The following SMOC2 variants were observed in gnomAD, a reference collection of about 807,000 sequenced individuals.
The protein encoded by SMOC2 is SPARC related modular calcium binding 2.
SMOC2 carries 39 observed loss-of-function variants against 61.4 expected under a neutral mutation model. That is an observed-to-expected ratio of 0.64 (90% CI 0.49 to 0.83). The LOEUF is 0.83. Ranked by LOEUF, SMOC2 falls within the 40% of genes least tolerant of loss-of-function variation. The pLI is 0.00. For missense variants in SMOC2, 556 were observed against 592.9 expected (o/e 0.94, Z 0.65); for synonymous variants, 247 against 239.9 (o/e 1.03, Z -0.27).
chr6:168,473,021 T>C (rs1189270198), intron 1 of SMOC2, among the ~76,000 whole-genome samples: 4 of 152,118 alleles, frequency 2.6e-5, no homozygotes, highest in African/African-American at 9.7e-5. Context: ...CCCTGGCCAT[T>C]GCCCAACACT....
At chr6:168,444,792 A>G (rs1781294796) in intron 1 of SMOC2, among the ~76,000 whole-genome samples, 1 of 152,116 alleles carries the variant, frequency 6.6e-6, no homozygotes, top group Non-Finnish European at 1.5e-5. Context: ...CAATTACTCA[A>G]CTTTATCATG....
chr6:168,486,051 C>T (rs1408785054), intron 1 of SMOC2, among the ~76,000 whole-genome samples: 1 of 152,086 alleles, frequency 6.6e-6, no homozygotes, highest in East Asian at 1.9e-4. Context: ...CGTTGTGTAC[C>T]GTTCGTACGG....
At chr6:168,611,320 T>A (rs111964871) in intron 9 of SMOC2, among the ~76,000 whole-genome samples, 5 of 40,054 alleles carry the variant, frequency 1.2e-4, no homozygotes, top group African/African-American at 2.1e-4. Context: ...CTGGCCCTGC[T>A]CTGGTTCCCA....
At chr6:168,611,873 G>A (rs112815659) in intron 9 of SMOC2, among the ~76,000 whole-genome samples, 1,700 of 152,196 alleles carry the variant, frequency 0.011, 32 homozygotes, top group African/African-American at 0.039. Flanking sequence ...ATGCCCAGGC[G>A]GCCGGCCACT....
At chr6:168,549,228 T>C (rs376635387) in intron 7 of SMOC2, 25 bp downstream of exon 7, 1 of 1,602,888 alleles carries the variant, frequency 6.2e-7, no homozygotes, top group African/African-American at 1.3e-5. Flanking sequence ...GATGTCACTT[T>C]GTAAGGAGTG....
intron 2 of SMOC2, among the ~76,000 whole-genome samples, chr6:168,518,298 ATGTG>A (rs1249089839): frequency 6.8e-6 from 1 of 147,252 alleles, no homozygotes; most frequent in Non-Finnish European, 1.5e-5. Flanking sequence ...GAATGTGTGA[ATGTG>A]TGAGAGGGCG....
At chr6:168,495,913 C>T (rs991456114) in intron 1 of SMOC2, among the ~76,000 whole-genome samples, 2 of 152,322 alleles carry the variant, frequency 1.3e-5, no homozygotes, top group Non-Finnish European at 2.9e-5. Context: ...CGGTCAGGGC[C>T]GGGCCGAGCT....
intron 1 of SMOC2, among the ~76,000 whole-genome samples, chr6:168,443,013 C>T (rs561295259): frequency 6.6e-6 from 1 of 152,208 alleles, no homozygotes; most frequent in African/African-American, 2.4e-5. Flanking sequence ...CTCACGTATA[C>T]ACTCACAAAA....
chr6:168,572,768 G>A (rs1435604333), intron 7 of SMOC2, among the ~76,000 whole-genome samples: 5 of 29,832 alleles, frequency 1.7e-4, no homozygotes, highest in Non-Finnish European at 2.8e-4. Context: ...CCAGGGCTGC[G>A]TGCTCCCTGA....
rs9355224 is a variant in SMOC2, at chr6:168,533,714, T to G, written c.463+5987T>G. Among the ~76,000 whole-genome samples, 851 of 152,310 alleles carry G rather than the reference T, an allele frequency of 5.6e-3. 10 individuals are homozygous for G. Among genetic ancestry groups the G allele is most frequent in the East Asian group, 0.031 (162 of 5,184 alleles). The stretch of plus-strand genomic sequence containing the variant: ...TCTCCACCTCAAAACGGCTTTTTCT[T>G]TAGCCTTCGTAGGTCTTTTCTTGAA... On this transcript the variant is annotated intron_variant, in intron 4 of 12. Coordinates refer to ENST00000356284, the MANE Select transcript of SMOC2 (RefSeq NM_001166412.2).
In SMOC2 at chr6:168,533,038, G is replaced by T. The variant is rs529461524; in HGVS notation, c.463+5311G>T. On this transcript the variant is annotated intron_variant, in intron 4 of 12. Transcript: ENST00000356284. ...TTTGGTTTTAATTACTAAAGTCTGT[G>T]TGATACCTGTGACAGGCAGCAGTAG... is the stretch of plus-strand genomic sequence containing the variant. Among the ~76,000 whole-genome samples the T allele has an allele frequency of 1.5e-3, 216 of 144,658 alleles. 1 individual carries two copies. The highest frequency in any genetic ancestry group is 5.5e-3 in the African/African-American group (211 of 38,254). 94.9% of individuals were successfully genotyped at this position (144,658 alleles called of 152,430 possible).
intron 4 of SMOC2, among the ~76,000 whole-genome samples, chr6:168,542,296 A>G (rs1391009907): frequency 6.6e-6 from 1 of 152,150 alleles, no homozygotes; most frequent in Non-Finnish European, 1.5e-5. Context: ...GGGGATTCTT[A>G]CCAAGAAAAA....
intron 9 of SMOC2, among the ~76,000 whole-genome samples, chr6:168,616,486 C>G (rs934560721): frequency 6.6e-6 from 1 of 152,166 alleles, no homozygotes; most frequent in Non-Finnish European, 1.5e-5. Context: ...ACCTAAAGAA[C>G]ATCAACTCAG....
chr6:168,616,091 C>T (rs893196784), intron 9 of SMOC2, among the ~76,000 whole-genome samples: 15 of 152,154 alleles, frequency 9.9e-5, no homozygotes, highest in African/African-American at 2.9e-4. Context: ...CGCTTGGTGG[C>T]CTTTGAGAGC....
chr6:168,471,431 A>G (rs926827562), intron 1 of SMOC2, among the ~76,000 whole-genome samples: 2 of 152,170 alleles, frequency 1.3e-5, no homozygotes, highest in Admixed American at 1.3e-4. Context: ...CTTCTTTTCC[A>G]AGGCTGAGTA....
intron 9 of SMOC2, among the ~76,000 whole-genome samples, chr6:168,618,562 G>A (rs11969696): frequency 0.23 from 31,764 of 136,442 alleles, 4,775 homozygotes; most frequent in Non-Finnish European, 0.25. Flanking sequence ...TTAAAACGAG[G>A]GTCGAGAGGT....
intron 9 of SMOC2, among the ~76,000 whole-genome samples, chr6:168,615,513 G>A (rs1786055494): frequency 8.8e-6 from 1 of 114,160 alleles, no homozygotes; most frequent in Non-Finnish European, 1.9e-5. Flanking sequence ...AGCCAGCACA[G>A]GGTCTCTTCA....
intron 1 of SMOC2, among the ~76,000 whole-genome samples, chr6:168,487,117 C>T (rs898636268): frequency 2.6e-5 from 4 of 152,340 alleles, no homozygotes; most frequent in African/African-American, 4.8e-5. Context: ...AGCACTCAAA[C>T]GTCCCCCTGC....
At chr6:168,564,701 A>T (rs572160967) in intron 7 of SMOC2, among the ~76,000 whole-genome samples, 28 of 152,318 alleles carry the variant, frequency 1.8e-4, no homozygotes, top group Non-Finnish European at 3.8e-4. Flanking sequence ...GCCATGTCTA[A>T]GGAACTAGTG....
Sources: gnomAD v4.1 joint callset for allele counts (sites outside exome capture counted in the v4.1 genomes callset) on GRCh38, gnomAD v4.1.1 for gene constraint, MANE v1.5 for transcripts, NCBI Gene and HGNC (gene_info 2026-07-23, HGNC 2026-07-21) for gene names.